DNAH8: variants seen among roughly 807,000 people sequenced by gnomAD.
DNAH8 encodes the protein dynein axonemal heavy chain 8.
Under a neutral mutation model 562.1 loss-of-function variants are expected in DNAH8, and 382 were observed. The ratio of observed to expected loss-of-function variants is 0.68; its 90% CI spans 0.63 to 0.74. DNAH8 has a LOEUF of 0.74. Ranked by LOEUF, DNAH8 falls within the 30% of genes least tolerant of loss-of-function variation. The pLI is 0.00. For synonymous variants in DNAH8, 1,881 were observed against 1,919.4 expected, an observed-to-expected ratio of 0.98 and a Z score of 0.52; for missense variants, 5,203 against 5,620.4, an observed-to-expected ratio of 0.93 and a Z score of 2.37.
intron 4 of DNAH8, among the ~76,000 whole-genome samples, chr6:38,733,132 T>G (rs1763786812): frequency 6.6e-6 from 1 of 152,176 alleles, no homozygotes; most frequent in South Asian, 2.1e-4. Flanking sequence ...GTTCAAGCAA[T>G]CCTCCTGCCT....
At chr6:38,808,105 A>G (rs769361483) in intron 24 of DNAH8, among the ~76,000 whole-genome samples, 3 of 152,192 alleles carry the variant, frequency 2.0e-5, no homozygotes, top group Non-Finnish European at 4.4e-5. Context: ...AGATTCATCC[A>G]TGGGGTATAG....
intron 64 of DNAH8, among the ~76,000 whole-genome samples, chr6:38,909,242 C>A (rs997289231): frequency 3.9e-5 from 6 of 152,140 alleles, no homozygotes; most frequent in Non-Finnish European, 8.8e-5. Context: ...GCTGTCCTGG[C>A]CCTCTCTCTA....
rs17552881 is a variant in DNAH8, at chr6:38,750,265, C to T, written c.1294-211C>T. On this transcript the variant is annotated intron_variant, in intron 8 of 92. Coordinates refer to ENST00000327475, the MANE Select transcript of DNAH8 (RefSeq NM_001206927.2). ...AAGCCTACAGACAGGATTTTAATTA[C>T]AAACAGAATGAGTCTTCAGTTTTAG... 0.18 allele frequency among the ~76,000 whole-genome samples: 28,002 copies of T among 152,230 alleles called. 3,362 individuals are homozygous for T. The highest frequency in any genetic ancestry group is 0.27 in the Non-Finnish European group (18,439 of 67,992).
chr6:38,832,027 C>CGTTGT (rs1259201341), intron 30 of DNAH8, among the ~76,000 whole-genome samples: 2 of 152,116 alleles, frequency 1.3e-5, no homozygotes, highest in Non-Finnish European at 2.9e-5. Context: ...CCACAGACAA[C>CGTTGT]ATGTGACCCA....
chr6:38,863,779 A>G, intron 44 of DNAH8, 94 bp from the exon 45 acceptor site: 1 of 983,254 alleles, frequency 1.0e-6, no homozygotes, highest in South Asian at 1.9e-5. Flanking sequence ...TCCCGTTTCA[A>G]TGTATAATGG....
At chr6:38,790,518 G>GT (rs1196607417) in intron 20 of DNAH8, 113 bp downstream of exon 20, 2 of 550,260 alleles carry the variant, frequency 3.6e-6, no homozygotes, top group African/African-American at 4.0e-5. Context: ...AAGGACATCC[G>GT]TTAGGTTTAA....
At chr6:38,752,849 A>G (rs1765579867) in intron 9 of DNAH8, among the ~76,000 whole-genome samples, 3 of 152,238 alleles carry the variant, frequency 2.0e-5, no homozygotes, top group African/African-American at 7.2e-5. Flanking sequence ...CTTTAGAAGC[A>G]GAGTCTTTTA....
chr6:38,970,927 A>T (rs372153647), intron 82 of DNAH8, among the ~76,000 whole-genome samples: 23 of 152,314 alleles, frequency 1.5e-4, no homozygotes, highest in African/African-American at 5.1e-4. Flanking sequence ...ATGGTGTATT[A>T]TCTCTGGAAT....
chr6:38,915,162 G>A (rs201974392), intron 67 of DNAH8, 39 bp from the exon 68 acceptor site: 303 of 1,179,042 alleles, frequency 2.6e-4, no homozygotes, highest in Non-Finnish European at 3.3e-4. Context: ...TTGCTTGAAA[G>A]GTTTCTATTG....
At position 38,873,045 on chromosome 6, in the gene DNAH8, G is replaced by A. The variant is rs780317776; in HGVS notation, c.7377G>A (p.Leu2459=). ...RIPMAPSCKL[L]FEVHNIENAS... is the part of the protein sequence containing the mutation. ...CCATGGCCCCTAGTTGTAAGCTTCTGTTTGAAGTCCACAATATCGAGAACG... is the reference window on the plus strand; with the variant it reads ...CCATGGCCCCTAGTTGTAAGCTTCTATTTGAAGTCCACAATATCGAGAACG... Residue 2459 remains leucine, a synonymous_variant, in exon 51 of 93, where the codon CTG becomes CTA. Transcript: ENST00000327475. The A allele has an allele frequency of 1.2e-6, 2 of 1,614,108 alleles. No homozygotes were observed. The highest frequency in any genetic ancestry group is 4.5e-5 in the East Asian group (2 of 44,872).
rs773517590 is a variant in DNAH8 at position 38,882,905 on chromosome 6, T to A, written c.7859-5T>A. 6.4e-7 allele frequency: 1 copy of A among 1,553,620 alleles called. No individual in the cohort carries two copies. Among genetic ancestry groups the A allele is most frequent in the South Asian group, 1.3e-5 (1 of 77,860 alleles). On this transcript the variant is annotated splice_polypyrimidine_tract_variant and splice_region_variant and intron_variant, in intron 53 of 92. Transcript: ENST00000327475. ...TATTAAGATGAAATTTTACTTATTA[T>A]ATAGGTGATTGGGAGCACTGGAATA...
At chr6:38,944,521 C>T (rs1303896228) in intron 79 of DNAH8, among the ~76,000 whole-genome samples, 1 of 152,162 alleles carries the variant, frequency 6.6e-6, no homozygotes, top group Non-Finnish European at 1.5e-5. Context: ...CACTGCTTTG[C>T]ATGCATCTGA....
rs79391683 is a variant in DNAH8, at chr6:38,805,292, G to A, written c.3035-189G>A. On this transcript the variant is annotated intron_variant, in intron 22 of 92. Transcript: ENST00000327475. ...TTCTTAGTAGAATGACAATTCTATTGAGGTGGATAATTTAAATTGAATTCA... is the reference window on the plus strand; with the variant it reads ...TTCTTAGTAGAATGACAATTCTATTAAGGTGGATAATTTAAATTGAATTCA... Among the ~76,000 whole-genome samples, 548 of 152,286 alleles carry A rather than the reference G, an allele frequency of 3.6e-3. 3 individuals carry two copies. The highest frequency in any genetic ancestry group is 0.013 in the African/African-American group (520 of 41,556).
chr6:38,959,140 G>T (rs973233060), intron 82 of DNAH8, among the ~76,000 whole-genome samples: 2 of 152,018 alleles, frequency 1.3e-5, no homozygotes, highest in African/African-American at 4.8e-5. Flanking sequence ...ACACAATAAA[G>T]GTCATGTATG....
intron 79 of DNAH8, among the ~76,000 whole-genome samples, chr6:38,940,398 AGTGGG>A: frequency 6.6e-6 from 1 of 152,234 alleles, no homozygotes; most frequent in East Asian, 1.9e-4. Context: ...GGAGGGTTGG[AGTGGG>A]GGATTGCTGG....
At chr6:38,839,261 A>G (rs1774568583) in intron 33 of DNAH8, among the ~76,000 whole-genome samples, 1 of 152,188 alleles carries the variant, frequency 6.6e-6, no homozygotes. Flanking sequence ...CATCATCACC[A>G]TTTACCATCT....
chr6:38,879,440 T>G (rs1348696225), intron 53 of DNAH8, among the ~76,000 whole-genome samples: 1 of 152,156 alleles, frequency 6.6e-6, no homozygotes, highest in Admixed American at 6.5e-5. Flanking sequence ...ATTCAAAAAC[T>G]GATCAATATA....
intron 70 of DNAH8, among the ~76,000 whole-genome samples, chr6:38,920,911 G>A (rs1484846851): frequency 6.6e-6 from 1 of 151,996 alleles, no homozygotes; most frequent in African/African-American, 2.4e-5. Flanking sequence ...ATTTTTTTGA[G>A]ACAGGGTCTC....
chr6:38,716,204 G>A (rs1361848003), intron 1 of DNAH8, among the ~76,000 whole-genome samples: 3 of 150,018 alleles, frequency 2.0e-5, no homozygotes, highest in African/African-American at 7.4e-5. Flanking sequence ...CTTGTGATCC[G>A]CCCACCTCGG....
Sources: allele counts gnomAD v4.1 joint callset (sites outside exome capture counted in the v4.1 genomes callset), GRCh38; gene constraint gnomAD v4.1.1; transcripts MANE v1.5; gene names NCBI Gene and HGNC (gene_info 2026-07-23, HGNC 2026-07-21).